ASTN2: variants seen among roughly 807,000 people sequenced by gnomAD.
ASTN2 encodes astrotactin 2, also known as astrotactin-2.
ASTN2 carries 54 observed loss-of-function variants against 139.8 expected under a neutral mutation model. The observed-to-expected ratio is 0.39, with a 90% CI of 0.31 to 0.48. The LOEUF is 0.48. Ranked by LOEUF, ASTN2 falls within the 20% of genes least tolerant of loss-of-function variation. ASTN2 has a pLI of 0.95. For synonymous variants in ASTN2, 756 were observed against 719.5 expected (o/e 1.05, Z -0.81); for missense variants, 1,565 against 1,725.1 (o/e 0.91, Z 1.64).
intron 2 of ASTN2, among the ~76,000 whole-genome samples, chr9:117,265,189 T>C (rs1305936335): frequency 6.6e-6 from 1 of 152,078 alleles, no homozygotes; most frequent in Non-Finnish European, 1.5e-5. Context: ...GAAATAACTA[T>C]TAGAGGAGTT....
chr9:117,098,118 A>G (rs1828883259), intron 4 of ASTN2, among the ~76,000 whole-genome samples: 2 of 152,192 alleles, frequency 1.3e-5, no homozygotes, highest in South Asian at 4.1e-4. Flanking sequence ...TCTGTAATAT[A>G]CACATTGCTT....
intron 5 of ASTN2, among the ~76,000 whole-genome samples, chr9:117,095,609 C>T (rs1828821490): frequency 6.6e-6 from 1 of 152,264 alleles, no homozygotes; most frequent in African/African-American, 2.4e-5. Flanking sequence ...AGTATGTTTC[C>T]CTTCACACTT....
At chr9:116,932,938 G>A (rs557341021) in intron 10 of ASTN2, among the ~76,000 whole-genome samples, 1 of 150,418 alleles carries the variant, frequency 6.6e-6, no homozygotes, top group East Asian at 2.0e-4. Context: ...ACCAGGAGGT[G>A]GAGTTTTCAG....
intron 2 of ASTN2, among the ~76,000 whole-genome samples, chr9:117,225,568 T>TAC (rs2133045764): frequency 9.1e-6 from 1 of 110,182 alleles, no homozygotes; most frequent in African/African-American, 4.0e-5. Context: ...TATATATATA[T>TAC]ATATATACAG....
intron 16 of ASTN2, chr9:116,687,349 G>A (rs1359235368): frequency 3.6e-6 from 3 of 823,832 alleles, no homozygotes; most frequent in Non-Finnish European, 4.4e-6. Flanking sequence ...GTGGGCTGCC[G>A]GCGGTGGACT....
At chr9:116,435,911 A>G (rs1405351007) in intron 22 of ASTN2, among the ~76,000 whole-genome samples, 5 of 152,068 alleles carry the variant, frequency 3.3e-5, no homozygotes, top group Non-Finnish European at 7.4e-5. Context: ...AACCCAGACT[A>G]CTGAGTCAAT....
chr9:117,157,729 C>T (rs1830461449), intron 3 of ASTN2, among the ~76,000 whole-genome samples: 1 of 151,936 alleles, frequency 6.6e-6, no homozygotes, highest in Admixed American at 6.6e-5. Flanking sequence ...TTTAGTATGA[C>T]TAGAGTTCAG....
chr9:117,277,719 T>C (rs1248324455), intron 2 of ASTN2, among the ~76,000 whole-genome samples: 1 of 152,224 alleles, frequency 6.6e-6, no homozygotes, highest in African/African-American at 2.4e-5. Flanking sequence ...TGGTTACCAA[T>C]ATTATGTTGC....
At chr9:116,871,717 G>A (rs1833172040) in intron 10 of ASTN2, among the ~76,000 whole-genome samples, 2 of 152,150 alleles carry the variant, frequency 1.3e-5, no homozygotes, top group Non-Finnish European at 1.5e-5. Flanking sequence ...TCATTAGTTG[G>A]TGGACATTTT....
At chr9:116,486,411 A>G (rs1354848491) in intron 20 of ASTN2, among the ~76,000 whole-genome samples, 1 of 152,240 alleles carries the variant, frequency 6.6e-6, no homozygotes, top group African/African-American at 2.4e-5. Context: ...TGAAGAGACG[A>G]ATGGATGGAG....
chr9:116,480,164 G>A (rs1229825715), intron 20 of ASTN2, among the ~76,000 whole-genome samples: 1 of 151,740 alleles, frequency 6.6e-6, no homozygotes, highest in African/African-American at 2.4e-5. Flanking sequence ...GGGAAAGGAA[G>A]GAAGGAAGGG....
At chr9:116,556,225 C>T (rs1317387908) in intron 19 of ASTN2, among the ~76,000 whole-genome samples, 2 of 152,176 alleles carry the variant, frequency 1.3e-5, no homozygotes, top group East Asian at 3.9e-4. Context: ...AAAAAGCTTC[C>T]AAGAGACTGG....
intron 2 of ASTN2, among the ~76,000 whole-genome samples, chr9:117,266,306 A>G (rs1411285808): frequency 2.0e-5 from 3 of 152,212 alleles, no homozygotes; most frequent in African/African-American, 7.2e-5. Flanking sequence ...CACACATGCA[A>G]CAGAAACTCA....
chr9:117,362,650 T>C lies in ASTN2; in HGVS notation c.442+51847A>G, dbSNP rs541102482. 3.3e-5 allele frequency among the ~76,000 whole-genome samples: 5 copies of C among 152,266 alleles called. No homozygotes were observed. The South Asian group carries it at 6.2e-4, about 19-fold the overall frequency. ...CTTCCTCTTGTAATGAGAAGTCTGA[T>C]TCCTTGTTTTGATGTTTGACTATAA... On this transcript the variant is annotated intron_variant, in intron 1 of 22. Coordinates refer to ENST00000313400, the MANE Select transcript of ASTN2 (RefSeq NM_001365068.1).
intron 3 of ASTN2, among the ~76,000 whole-genome samples, chr9:117,190,920 CT>C (rs1460209627): frequency 6.6e-6 from 1 of 152,066 alleles, no homozygotes; most frequent in African/African-American, 2.4e-5. Flanking sequence ...TAGAAATTGA[CT>C]TGCATATATC....
intron 10 of ASTN2, among the ~76,000 whole-genome samples, chr9:116,870,396 C>G (rs530268937): frequency 2.4e-4 from 36 of 152,102 alleles, no homozygotes; most frequent in Non-Finnish European, 4.4e-4. Context: ...TTTCCAAACT[C>G]TAAAACCTAA....
intron 13 of ASTN2, among the ~76,000 whole-genome samples, chr9:116,774,077 A>G (rs1444068380): frequency 1.3e-5 from 2 of 152,184 alleles, no homozygotes; most frequent in African/African-American, 2.4e-5. Flanking sequence ...AGCAGAATTC[A>G]TGTTTGGAAT....
chr9:117,206,315 T>C (rs1311788923), intron 3 of ASTN2, among the ~76,000 whole-genome samples: 1 of 152,138 alleles, frequency 6.6e-6, no homozygotes, highest in Admixed American at 6.5e-5. Context: ...GGGGAAAAGA[T>C]AAGCAGAAGA....
intron 17 of ASTN2, among the ~76,000 whole-genome samples, chr9:116,637,019 G>A (rs370310455): frequency 2.0e-5 from 3 of 152,156 alleles, no homozygotes; most frequent in Admixed American, 6.5e-5. Context: ...CAGCACCAAG[G>A]TGCCATCTTG....
Sources: allele counts gnomAD v4.1 joint callset (sites outside exome capture counted in the v4.1 genomes callset), GRCh38; gene constraint gnomAD v4.1.1; transcripts MANE v1.5; gene names NCBI Gene and HGNC (gene_info 2026-07-23, HGNC 2026-07-21).